The following LRRC4C variants were observed in gnomAD, a reference collection of about 807,000 sequenced individuals.
LRRC4C encodes leucine rich repeat containing 4C.
A neutral mutation model predicts 33.6 loss-of-function variants in LRRC4C; 5 were observed. That is an observed-to-expected ratio of 0.15 (90% CI 0.08 to 0.31). LRRC4C has a LOEUF of 0.31. Among genes scored for constraint, LRRC4C ranks in the 10% least tolerant of loss-of-function variants. The pLI, the probability that LRRC4C is intolerant of heterozygous loss-of-function variation, is 1.00. For synonymous variants in LRRC4C, 329 were observed against 302.0 expected (o/e 1.09, Z -0.93); for missense variants, 560 against 796.7 (o/e 0.70, Z 3.58).
rs148690075 is a variant in LRRC4C at position 41,223,959 on chromosome 11, T to C, written c.-496+235472A>G. 3.0e-4 allele frequency among the ~76,000 whole-genome samples: 46 copies of C among 152,314 alleles called. No homozygotes were observed. In the East Asian group the frequency reaches 8.5e-3, roughly 28 times the overall value. On this transcript the variant is annotated intron_variant, in intron 1 of 6. Transcript: ENST00000528697. The stretch of plus-strand genomic sequence containing the variant: ...CTTCTGGAGGCCAGTGCTTGATTTA[T>C]TCCATCTCTGTGTGCTGCCCCAAAG...
chr11:40,557,127 A>G (rs956186685), intron 3 of LRRC4C, among the ~76,000 whole-genome samples: 2 of 152,134 alleles, frequency 1.3e-5, no homozygotes, highest in Admixed American at 6.5e-5. Flanking sequence ...AATGGTGGTT[A>G]TTTTTGGTAC....
At chr11:41,194,005 T>A (rs1183399785) in intron 1 of LRRC4C, among the ~76,000 whole-genome samples, 1 of 152,040 alleles carries the variant, frequency 6.6e-6, no homozygotes, top group African/African-American at 2.4e-5. Context: ...CTTCTGCCAG[T>A]GCCACCCTTG....
At chr11:40,943,427 A>G (rs1187694419) in intron 1 of LRRC4C, among the ~76,000 whole-genome samples, 2 of 152,200 alleles carry the variant, frequency 1.3e-5, no homozygotes, top group East Asian at 3.9e-4. Context: ...AGCACAAAGA[A>G]AAACCATTTA....
intron 1 of LRRC4C, among the ~76,000 whole-genome samples, chr11:41,125,561 GA>G (rs1425286011): frequency 6.6e-6 from 1 of 151,116 alleles, no homozygotes; most frequent in African/African-American, 2.4e-5. Flanking sequence ...AACATAGATT[GA>G]AAAAAAAGCC....
chr11:41,383,276 A>G (rs1265776326), intron 1 of LRRC4C, among the ~76,000 whole-genome samples: 1 of 152,052 alleles, frequency 6.6e-6, no homozygotes. Context: ...TTTTTCTTGT[A>G]TGAATTTAGG....
At chr11:41,416,932 A>C (rs964295516) in intron 1 of LRRC4C, among the ~76,000 whole-genome samples, 1 of 152,010 alleles carries the variant, frequency 6.6e-6, no homozygotes, top group African/African-American at 2.4e-5. Context: ...AGCCAAACTA[A>C]AGAGTTTCCC....
At chr11:40,350,884 T>C (rs1367882976) in intron 3 of LRRC4C, among the ~76,000 whole-genome samples, 1 of 152,090 alleles carries the variant, frequency 6.6e-6, no homozygotes, top group Non-Finnish European at 1.5e-5. Context: ...GATTTCATTT[T>C]CAGATTGCTT....
At chr11:41,193,067 T>C (rs978744786) in intron 1 of LRRC4C, among the ~76,000 whole-genome samples, 2 of 152,114 alleles carry the variant, frequency 1.3e-5, no homozygotes, top group African/African-American at 4.8e-5. Context: ...AGGCTTATGA[T>C]GAGGACTGCC....
At chr11:41,452,558 C>T (rs1956060438) in intron 1 of LRRC4C, among the ~76,000 whole-genome samples, 2 of 152,040 alleles carry the variant, frequency 1.3e-5, no homozygotes, top group South Asian at 4.1e-4. Context: ...ATGACCTTTT[C>T]TCTTGTTTAC....
chr11:40,748,633 T>A (rs1424196151), intron 2 of LRRC4C, among the ~76,000 whole-genome samples: 1 of 151,808 alleles, frequency 6.6e-6, no homozygotes. Context: ...AAACAAAACC[T>A]AAAAATAACT....
chr11:40,490,170 C>T (rs982580713), intron 3 of LRRC4C, among the ~76,000 whole-genome samples: 1 of 152,122 alleles, frequency 6.6e-6, no homozygotes, highest in Non-Finnish European at 1.5e-5. Context: ...AGTAGTTTCT[C>T]CATCTAATAT....
intron 1 of LRRC4C, among the ~76,000 whole-genome samples, chr11:41,161,345 C>T (rs1193915669): frequency 6.6e-6 from 1 of 152,104 alleles, no homozygotes; most frequent in African/African-American, 2.4e-5. Context: ...TTTCTGTTTT[C>T]CTGAGTAATG....
chr11:40,952,866 ACACACACAC>A (rs1355070838), intron 1 of LRRC4C, among the ~76,000 whole-genome samples: 1 of 100,008 alleles, frequency 1.0e-5, no homozygotes, highest in African/African-American at 3.2e-5. Context: ...ACACACACAC[ACACACACAC>A]ACACACACAC....
intron 2 of LRRC4C, among the ~76,000 whole-genome samples, chr11:40,678,695 A>G (rs1944531664): frequency 6.6e-6 from 1 of 152,072 alleles, no homozygotes; most frequent in Non-Finnish European, 1.5e-5. Flanking sequence ...GCCCGCCGCC[A>G]CGTAAGACGT....
At chr11:40,514,152 T>C (rs1477547383) in intron 3 of LRRC4C, among the ~76,000 whole-genome samples, 1 of 152,332 alleles carries the variant, frequency 6.6e-6, no homozygotes, top group East Asian at 1.9e-4. Flanking sequence ...AAGACCTGGG[T>C]TCAAACCCTT....
At chr11:41,229,990 G>A (rs1468894818) in intron 1 of LRRC4C, among the ~76,000 whole-genome samples, 1 of 152,022 alleles carries the variant, frequency 6.6e-6, no homozygotes, top group African/African-American at 2.4e-5. Flanking sequence ...TAAAATACCA[G>A]ATGTCCTTTT....
chr11:41,313,246 C>T (rs944686014), intron 1 of LRRC4C, among the ~76,000 whole-genome samples: 2 of 152,306 alleles, frequency 1.3e-5, no homozygotes, highest in East Asian at 3.9e-4. Context: ...CATGTCAAGG[C>T]TGTTTCTTCT....
intron 4 of LRRC4C, among the ~76,000 whole-genome samples, chr11:40,297,949 T>C (rs999435535): frequency 3.9e-5 from 6 of 152,180 alleles, no homozygotes; most frequent in Non-Finnish European, 8.8e-5. Flanking sequence ...ATAGAAATGA[T>C]TTGCTCATGT....
chr11:40,486,972 T>G (rs561664043), intron 3 of LRRC4C, among the ~76,000 whole-genome samples: 1 of 152,106 alleles, frequency 6.6e-6, no homozygotes, highest in African/African-American at 2.4e-5. Flanking sequence ...AACTGGAAAT[T>G]AGGTCCACGG....
Sources: allele counts gnomAD v4.1 joint callset (sites outside exome capture counted in the v4.1 genomes callset), GRCh38; gene constraint gnomAD v4.1.1; transcripts MANE v1.5; gene names NCBI Gene and HGNC (gene_info 2026-07-23, HGNC 2026-07-21).